Variants in MET observed in about 807,000 individuals in gnomAD.
The protein encoded by MET is hepatocyte growth factor receptor.
A neutral mutation model predicts 133.1 loss-of-function variants in MET; 48 were observed. The ratio of observed to expected loss-of-function variants is 0.36; its 90% CI spans 0.29 to 0.46. MET has a LOEUF of 0.46. Ranked by LOEUF, MET falls within the 20% of genes least tolerant of loss-of-function variation. The pLI is 1.00. For missense variants in MET, 1,442 were observed against 1,695.9 expected (o/e 0.85, Z 2.63); for synonymous variants, 628 against 616.5 (o/e 1.02, Z -0.28).
At chr7:116,769,393 C>T (rs1412427532) in intron 11 of MET, among the ~76,000 whole-genome samples, 1 of 152,126 alleles carries the variant, frequency 6.6e-6, no homozygotes, top group East Asian at 1.9e-4. Flanking sequence ...GAAGCAAGAA[C>T]CTCTTTCCTT....
chr7:116,769,621 C>CTTT, intron 11 of MET, 24 bp from the exon 12 acceptor site: 5 of 1,518,310 alleles, frequency 3.3e-6, no homozygotes, highest in Admixed American at 3.5e-5. Flanking sequence ...TGTTAACAAC[C>CTTT]TTTTTTTTTT....
chr7:116,704,256 C>T (rs17138948), intron 2 of MET, among the ~76,000 whole-genome samples: 8,196 of 152,002 alleles, frequency 0.054, 277 homozygotes, highest in African/African-American at 0.08. Flanking sequence ...AAATTTAGCC[C>T]GTTGGGAGAC....
At chr7:116,757,347 C>A in intron 6 of MET, 90 bp from the exon 7 acceptor site, 2 of 1,028,908 alleles carry the variant, frequency 1.9e-6, no homozygotes, top group East Asian at 2.5e-5. Context: ...GTCAGCTCAC[C>A]ATTTAGAGTT....
intron 1 of MET, among the ~76,000 whole-genome samples, chr7:116,697,728 C>T (rs139317854): frequency 2.8e-4 from 42 of 152,276 alleles, no homozygotes; most frequent in African/African-American, 9.6e-4. Flanking sequence ...TCTCCTGGAC[C>T]TCACAACATG....
intron 2 of MET, among the ~76,000 whole-genome samples, chr7:116,719,656 A>G (rs1035573539): frequency 2.2e-4 from 33 of 152,244 alleles, no homozygotes; most frequent in African/African-American, 6.3e-4. Context: ...CATCTTGAAT[A>G]AATTTTTGTA....
At chr7:116,795,568 A>T (rs1795642368) in intron 19 of MET, 87 bp from the exon 20 acceptor site, 2 of 1,589,106 alleles carry the variant, frequency 1.3e-6, no homozygotes, top group Non-Finnish European at 1.7e-6. Context: ...TGTAAAGCCA[A>T]GTTTAGTTAC....
intron 1 of MET, among the ~76,000 whole-genome samples, chr7:116,694,083 C>T (rs1796874431): frequency 6.6e-6 from 1 of 152,164 alleles, no homozygotes; most frequent in Admixed American, 6.5e-5. Context: ...ATTTAACTAG[C>T]AGTTATCATC....
chr7:116,769,897 G>T, intron 12 of MET, 106 bp downstream of exon 12: 1 of 1,513,634 alleles, frequency 6.6e-7, no homozygotes, highest in Non-Finnish European at 9.1e-7. Flanking sequence ...TGTGGGTTTT[G>T]GCTCATCAAC....
chr7:116,707,286 C>T (rs931224167), intron 2 of MET, among the ~76,000 whole-genome samples: 5 of 151,472 alleles, frequency 3.3e-5, no homozygotes, highest in Non-Finnish European at 7.4e-5. Context: ...AACTATAAAA[C>T]AAACAAAAAA....
intron 11 of MET, among the ~76,000 whole-genome samples, chr7:116,764,990 G>A (rs554542860): frequency 4.6e-5 from 7 of 152,084 alleles, no homozygotes; most frequent in Non-Finnish European, 1.0e-4. Context: ...AATACGTTAA[G>A]TTGATCACAT....
intron 19 of MET, 107 bp from the exon 20 acceptor site, chr7:116,795,548 G>T: frequency 2.7e-6 from 4 of 1,457,954 alleles, no homozygotes; most frequent in Non-Finnish European, 3.8e-6. Context: ...AACAGAAACC[G>T]TATTGAGTAT....
At chr7:116,784,946 A>G (rs921066767) in intron 19 of MET, among the ~76,000 whole-genome samples, 1 of 152,242 alleles carries the variant, frequency 6.6e-6, no homozygotes, top group African/African-American at 2.4e-5. Context: ...GGGTACAGGC[A>G]TTGGGTGAAT....
intron 1 of MET, among the ~76,000 whole-genome samples, chr7:116,673,690 A>G (rs1796055262): frequency 6.6e-6 from 1 of 152,340 alleles, no homozygotes; most frequent in Admixed American, 6.5e-5. Flanking sequence ...TTTCTGCATG[A>G]AGATGATCTG....
At chr7:116,757,371 A>G (rs554196587) in intron 6 of MET, 66 bp from the exon 7 acceptor site, 14 of 1,345,292 alleles carry the variant, frequency 1.0e-5, no homozygotes, top group African/African-American at 5.7e-5. Context: ...GTCACTTCCT[A>G]TAAAACAACC....
intron 3 of MET, among the ~76,000 whole-genome samples, chr7:116,738,082 G>A (rs1793292575): frequency 2.6e-5 from 4 of 152,216 alleles, no homozygotes; most frequent in Admixed American, 2.0e-4. Flanking sequence ...CATAGAATGA[G>A]CTGGAAAACA....
At chr7:116,713,342 C>T (rs1424953403) in intron 2 of MET, among the ~76,000 whole-genome samples, 2 of 151,298 alleles carry the variant, frequency 1.3e-5, no homozygotes, top group East Asian at 3.9e-4. Context: ...TTGCAGTGAG[C>T]CGAGATCCCG....
intron 11 of MET, among the ~76,000 whole-genome samples, chr7:116,766,272 A>G (rs991658716): frequency 2.0e-5 from 3 of 152,248 alleles, no homozygotes; most frequent in African/African-American, 7.2e-5. Context: ...ATATAGGAAC[A>G]TATGAGAATA....
intron 1 of MET, among the ~76,000 whole-genome samples, chr7:116,680,143 T>A (rs757365058): frequency 6.6e-6 from 1 of 152,202 alleles, no homozygotes; most frequent in Non-Finnish European, 1.5e-5. Context: ...TTCTCTTAGG[T>A]TAACCTGAAG....
At chr7:116,784,825 A>T (rs767181465) in intron 19 of MET, among the ~76,000 whole-genome samples, 32 of 152,122 alleles carry the variant, frequency 2.1e-4, no homozygotes, top group Non-Finnish European at 4.1e-4. Context: ...ACTCATTCCA[A>T]CATCAGCTAA....
Sources: gnomAD v4.1 joint callset for allele counts (sites outside exome capture counted in the v4.1 genomes callset) on GRCh38, gnomAD v4.1.1 for gene constraint, MANE v1.5 for transcripts, NCBI Gene and HGNC (gene_info 2026-07-23, HGNC 2026-07-21) for gene names.